MCF2: variants seen among roughly 807,000 people sequenced by gnomAD.
MCF2 encodes proto-oncogene DBL.
A neutral mutation model predicts 82.5 loss-of-function variants in MCF2; 44 were observed. That is an observed-to-expected ratio of 0.53 (90% confidence interval 0.42 to 0.69). The LOEUF (loss-of-function observed/expected upper bound fraction) is 0.69, where lower values mean the gene tolerates loss of function less well. MCF2 is among the 30% of genes least tolerant of loss of function. MCF2 has a pLI of 0.00. For missense variants in MCF2, 623 were observed against 663.1 expected, an observed-to-expected ratio of 0.94 and a Z score of 0.66; for synonymous variants, 217 against 224.9, an observed-to-expected ratio of 0.96 and a Z score of 0.32.
rs151125800 is a variant in MCF2 at position 139,584,417 on chromosome X, C to T, written c.2745+649G>A. ...AGCACTCTACCTCCAAGCATCACTC[C>T]TACCTTCCAAGCTGGTGACTTTAGA... On this transcript the variant is annotated intron_variant, in intron 24 of 24. Coordinates refer to ENST00000370576, the Ensembl canonical transcript of MCF2. Among the ~76,000 whole-genome samples, 491 of 111,423 alleles carry T rather than the reference C, an allele frequency of 4.4e-3. 4 individuals carry two copies. The highest frequency in any genetic ancestry group is 7.2e-3 in the Non-Finnish European group (384 of 53,034).
At chrX:139,623,301 G>A (rs1301833460) in intron 6 of MCF2, among the ~76,000 whole-genome samples, 2 of 111,605 alleles carry the variant, frequency 1.8e-5, no homozygotes, top group Admixed American at 9.5e-5. Context: ...AGCACTATTC[G>A]CAATAGCAAA....
At chrX:139,587,180 G>A (rs960236013) in intron 22 of MCF2, among the ~76,000 whole-genome samples, 1 of 111,139 alleles carries the variant, frequency 9.0e-6, no homozygotes, top group African/African-American at 3.3e-5. Flanking sequence ...AATGTTCAGC[G>A]AGAACTCCAC....
intron 1 of MCF2, among the ~76,000 whole-genome samples, chrX:139,671,298 G>A (rs1221318372): frequency 8.9e-6 from 1 of 111,910 alleles, no homozygotes; most frequent in Non-Finnish European, 1.9e-5. Context: ...CTTCTGCTGT[G>A]CAGAAGCTCT....
chrX:139,605,624 A>T (rs1169265936), intron 13 of MCF2, 89 bp downstream of exon 17: 1 of 744,811 alleles, frequency 1.3e-6, no homozygotes, highest in Non-Finnish European at 2.0e-6. Flanking sequence ...AGGAGACGGA[A>T]GTAGAAGATT....
intron 1 of MCF2, among the ~76,000 whole-genome samples, chrX:139,690,831 C>A (rs764181070): frequency 2.7e-5 from 3 of 111,810 alleles, no homozygotes; most frequent in African/African-American, 9.8e-5. Flanking sequence ...CACAGGAAGG[C>A]GCGCACATCA....
At chrX:139,658,360 G>C (rs1934255527) in intron 1 of MCF2, among the ~76,000 whole-genome samples, 1 of 110,381 alleles carries the variant, frequency 9.1e-6, no homozygotes, top group African/African-American at 3.3e-5. Flanking sequence ...TCCCCATAAT[G>C]AATGATTTCC....
At chrX:139,692,101 G>A in intron 1 of MCF2, 1 of 1,162,187 alleles carries the variant, frequency 8.6e-7, no homozygotes, top group Non-Finnish European at 1.1e-6. Flanking sequence ...GAGGTCCACG[G>A]CGCCGAAGCG....
At chrX:139,659,138 A>C (rs1323872721) in intron 1 of MCF2, among the ~76,000 whole-genome samples, 1 of 110,332 alleles carries the variant, frequency 9.1e-6, no homozygotes, top group East Asian at 3.0e-4. Context: ...AAATACAAAA[A>C]TTAGCTGGGC....
intron 1 of MCF2, among the ~76,000 whole-genome samples, chrX:139,685,539 G>A (rs1232093481): frequency 2.7e-5 from 3 of 111,041 alleles, no homozygotes; most frequent in Non-Finnish European, 5.7e-5. Context: ...ACCCTCTCAA[G>A]TGGACCCCCT....
chrX:139,595,794 G>A (rs921436724), intron 19 of MCF2, among the ~76,000 whole-genome samples: 1 of 110,316 alleles, frequency 9.1e-6, no homozygotes, highest in African/African-American at 3.3e-5. Context: ...TGCATTAGAT[G>A]TAAAAAAATT....
chrX:139,667,973 T>C (rs1279191586), intron 1 of MCF2, among the ~76,000 whole-genome samples: 1 of 111,966 alleles, frequency 8.9e-6, no homozygotes, highest in Non-Finnish European at 1.9e-5. Flanking sequence ...CTGAGCAACA[T>C]AGTGGTAGCC....
At chrX:139,588,897 T>A (rs1255173666) in intron 20 of MCF2, among the ~76,000 whole-genome samples, 1 of 109,170 alleles carries the variant, frequency 9.2e-6, no homozygotes. Flanking sequence ...ACCACTGCAC[T>A]CCAGCCTGAG....
intron 1 of MCF2, among the ~76,000 whole-genome samples, chrX:139,687,673 T>C (rs1935158532): frequency 1.8e-5 from 2 of 112,753 alleles, no homozygotes; most frequent in African/African-American, 3.2e-5. Context: ...GAATTGCTGA[T>C]AGATTCTGAA....
At chrX:139,582,101 CCTT>C (rs1928526876) in exon 25 of MCF2, 2 of 241,082 alleles carry the variant, frequency 8.3e-6, no homozygotes. Context: ...CTTTACTTGA[CCTT>C]AGCCATTTTG....
At chrX:139,625,277 T>C (rs1481207707) in intron 6 of MCF2, among the ~76,000 whole-genome samples, 1 of 111,711 alleles carries the variant, frequency 9.0e-6, no homozygotes, top group Non-Finnish European at 1.9e-5. Flanking sequence ...AATGGGTATG[T>C]TCAGGAAAAG....
At chrX:139,628,450 T>C (rs1932816739) in intron 4 of MCF2, among the ~76,000 whole-genome samples, 1 of 110,947 alleles carries the variant, frequency 9.0e-6, no homozygotes, top group Admixed American at 9.6e-5. Flanking sequence ...ATGGGAACAA[T>C]AGACAGTGGG....
intron 1 of MCF2, among the ~76,000 whole-genome samples, chrX:139,684,208 G>T (rs1603307308): frequency 8.9e-6 from 1 of 112,269 alleles, no homozygotes; most frequent in East Asian, 2.8e-4. Context: ...TATATAAATG[G>T]CCAATAAGCA....
chrX:139,612,364 G>A (rs1356396706), intron 10 of MCF2, among the ~76,000 whole-genome samples: 1 of 110,611 alleles, frequency 9.0e-6, no homozygotes, highest in Non-Finnish European at 1.9e-5. Context: ...GAAAGATCTA[G>A]GCTAAAGATC....
intron 1 of MCF2, among the ~76,000 whole-genome samples, chrX:139,663,116 T>A (rs1428060475): frequency 7.1e-5 from 8 of 112,307 alleles, no homozygotes; most frequent in Non-Finnish European, 5.6e-5. Context: ...AGTGCAAGTA[T>A]CCCTTATTCA....
Sources: gnomAD v4.1 joint callset for allele counts (sites outside exome capture counted in the v4.1 genomes callset) on GRCh38, gnomAD v4.1.1 for gene constraint, MANE v1.5 for transcripts, NCBI Gene and HGNC (gene_info 2026-07-23, HGNC 2026-07-21) for gene names.